HS3ST3A1: variants seen among roughly 807,000 people sequenced by gnomAD.
HS3ST3A1 encodes heparan sulfate glucosamine 3-O-sulfotransferase 3A1.
In HS3ST3A1, 19 loss-of-function variants were observed where a neutral mutation model predicts 25.7. The observed-to-expected ratio is 0.74, with a 90% CI of 0.52 to 1.08. HS3ST3A1 has a LOEUF of 1.08. Among genes scored for constraint, HS3ST3A1 ranks in the 50% least tolerant of loss-of-function variants. The pLI is 0.00. For synonymous variants in HS3ST3A1, 226 were observed against 278.6 expected (o/e 0.81, Z 1.88); for missense variants, 459 against 594.3 (o/e 0.77, Z 2.37).
chr17:13,544,902 C>T (rs886116892), intron 1 of HS3ST3A1, among the ~76,000 whole-genome samples: 3 of 152,152 alleles, frequency 2.0e-5, no homozygotes, highest in Non-Finnish European at 2.9e-5. Context: ...CGATGCTAAG[C>T]GGGGCGTTCA....
chr17:13,554,830 A>G (rs964071749), intron 1 of HS3ST3A1, among the ~76,000 whole-genome samples: 7 of 152,086 alleles, frequency 4.6e-5, no homozygotes, highest in African/African-American at 1.7e-4. Context: ...CTCCACCCCC[A>G]ACAAGTCTAG....
rs1029228377 is a variant in HS3ST3A1 at position 13,583,982 on chromosome 17, A to G, written c.599+16549T>C. 2.0e-5 allele frequency among the ~76,000 whole-genome samples: 3 copies of G among 152,186 alleles called. No homozygotes were observed. The East Asian group carries it at 5.8e-4, about 29-fold the overall frequency. ...TTTTTGAGGATTTCTCACCATTACC[A>G]TGATTTCCAGAGAAGAAAAAGGAAA... On this transcript the variant is annotated intron_variant, in intron 1 of 1. Coordinates refer to ENST00000284110, the MANE Select transcript of HS3ST3A1 (RefSeq NM_006042.3).
rs1045929975 is a variant in HS3ST3A1, at chr17:13,600,872, C to G, written c.258G>C (p.Gln86His). The change falls in exon 1 of 2, where the codon CAG (glutamine) becomes CAC (histidine). Residue 86 changes from glutamine to histidine, a missense_variant. Gln to His is a conservative substitution (Grantham distance 24). Around this residue, in one of 3 missense-constraint regions of HS3ST3A1, gnomAD observed 346 missense variants for 303.9 expected, o/e 1.14. Coordinates refer to ENST00000284110, the MANE Select transcript of HS3ST3A1 (RefSeq NM_006042.3). The part of the protein sequence containing the change: ...RELAVWPAAA[Q>H]RKRLLQLPQW... ...GCGGCAGTTGCAGGAGGCGCTTTCT[C>G]TGTGCCGCCGCCGGCCACACCGCCA... 6 of 1,461,084 alleles carry G rather than the reference C, an allele frequency of 4.1e-6. No individual in the cohort carries two copies. The highest frequency in any genetic ancestry group is 5.4e-6 in the Non-Finnish European group (6 of 1,115,308). 90.5% of individuals were successfully genotyped at this position (1,461,084 alleles called of 1,614,324 possible). A position where few individuals can be genotyped will look rare whatever the true frequency, so the allele number is the denominator to read the frequency against.
At chr17:13,557,225 A>C (rs1907407521) in intron 1 of HS3ST3A1, among the ~76,000 whole-genome samples, 2 of 152,200 alleles carry the variant, frequency 1.3e-5, no homozygotes, top group Admixed American at 1.3e-4. Context: ...ACAGTTGCTG[A>C]ATCACTTAAT....
At chr17:13,521,594 C>T (rs1403242505) in intron 1 of HS3ST3A1, among the ~76,000 whole-genome samples, 4 of 152,150 alleles carry the variant, frequency 2.6e-5, no homozygotes, top group Non-Finnish European at 5.9e-5. Flanking sequence ...CCTCAACGTG[C>T]CCTGCATGGC....
At chr17:13,512,766 AAT>A (rs1241543539) in intron 1 of HS3ST3A1, among the ~76,000 whole-genome samples, 3 of 152,150 alleles carry the variant, frequency 2.0e-5, no homozygotes, top group African/African-American at 7.2e-5. Context: ...GGGATAAAAA[AAT>A]AAATTGTACT....
At chr17:13,506,638 G>T (rs1905684203) in intron 1 of HS3ST3A1, among the ~76,000 whole-genome samples, 2 of 152,312 alleles carry the variant, frequency 1.3e-5, no homozygotes, top group South Asian at 2.1e-4. Flanking sequence ...CTAAGGCTTG[G>T]GGGCAGCAGA....
intron 1 of HS3ST3A1, among the ~76,000 whole-genome samples, chr17:13,507,473 G>A (rs553285659): frequency 3.3e-4 from 51 of 152,300 alleles, no homozygotes; most frequent in African/African-American, 1.2e-3. Flanking sequence ...TGACTCTTTT[G>A]GTTGATGTTC....
chr17:13,538,724 T>C (rs1449411681), intron 1 of HS3ST3A1, among the ~76,000 whole-genome samples: 1 of 151,932 alleles, frequency 6.6e-6, no homozygotes, highest in Admixed American at 6.6e-5. Context: ...GGTGTTTTGG[T>C]TTTGCTTTTC....
intron 1 of HS3ST3A1, among the ~76,000 whole-genome samples, chr17:13,503,588 TAAATA>T (rs1402214129): frequency 6.6e-6 from 1 of 151,994 alleles, no homozygotes; most frequent in Non-Finnish European, 1.5e-5. Flanking sequence ...AAATGAAAAA[TAAATA>T]AAGTAAGTAA....
Position 13,600,712 on chromosome 17 carries a change from T to A in HS3ST3A1, c.418A>T (p.Thr140Ser). 6.4e-7 allele frequency: 1 copy of A among 1,558,570 alleles called. No individual in the cohort carries two copies. The highest frequency in any genetic ancestry group is 8.6e-7 in the Non-Finnish European group (1 of 1,159,504). Reference sequence around the variant, plus strand: ...CCTTCGTCCAGGAGCAGCGCCAGGGTCCCCGGCGGGGCCTCGGCCACGGTG... The same window carrying A: ...CCTTCGTCCAGGAGCAGCGCCAGGGACCCCGGCGGGGCCTCGGCCACGGTG... ...GSTVAEAPPG[T>S]LALLLDEGSK... Residue 140 changes from threonine (T) to serine (S), a missense_variant, in exon 1 of 2, where the codon ACC becomes TCC. Thr to Ser is a moderately conservative substitution (Grantham distance 58). Around this residue, in one of 3 missense-constraint regions of HS3ST3A1, gnomAD observed 346 missense variants for 303.9 expected, o/e 1.14. Transcript: ENST00000284110.
intron 1 of HS3ST3A1, among the ~76,000 whole-genome samples, chr17:13,593,438 C>T (rs1018895763): frequency 7.2e-5 from 11 of 152,134 alleles, no homozygotes; most frequent in African/African-American, 2.7e-4. Context: ...GAATACAAAA[C>T]TGTCTCTGTG....
chr17:13,520,292 G>A (rs1268807653), intron 1 of HS3ST3A1, among the ~76,000 whole-genome samples: 1 of 152,166 alleles, frequency 6.6e-6, no homozygotes, highest in Non-Finnish European at 1.5e-5. Flanking sequence ...TGCTTAAGCA[G>A]TGATGCGAAA....
At chr17:13,600,490 C>T in intron 1 of HS3ST3A1, 41 bp downstream of exon 1, 1 of 1,537,296 alleles carries the variant, frequency 6.5e-7, no homozygotes, top group Non-Finnish European at 8.7e-7. Flanking sequence ...AGCCCAGGAC[C>T]CCCGGATCCT....
chr17:13,572,145 T>G (rs1907833037), intron 1 of HS3ST3A1, among the ~76,000 whole-genome samples: 1 of 152,198 alleles, frequency 6.6e-6, no homozygotes, highest in Admixed American at 6.5e-5. Flanking sequence ...ATTTTTTCTG[T>G]CTCTCTTCAT....
chr17:13,594,288 C>T (rs868469738), intron 1 of HS3ST3A1, among the ~76,000 whole-genome samples: 4 of 152,170 alleles, frequency 2.6e-5, no homozygotes, highest in African/African-American at 9.7e-5. Flanking sequence ...TTTCATCCTG[C>T]CTTCCTTTAA....
At chr17:13,510,930 A>G (rs1456138761) in intron 1 of HS3ST3A1, among the ~76,000 whole-genome samples, 1 of 152,232 alleles carries the variant, frequency 6.6e-6, no homozygotes, top group Non-Finnish European at 1.5e-5. Flanking sequence ...AACTTCCAAA[A>G]TAATCTCTTA....
intron 1 of HS3ST3A1, among the ~76,000 whole-genome samples, chr17:13,577,271 T>C (rs981453994): frequency 6.6e-6 from 1 of 152,176 alleles, no homozygotes; most frequent in African/African-American, 2.4e-5. Context: ...CTACTCAGCA[T>C]GCTATTAATT....
chr17:13,568,218 A>G (rs1188671100), intron 1 of HS3ST3A1, among the ~76,000 whole-genome samples: 1 of 152,242 alleles, frequency 6.6e-6, no homozygotes, highest in Non-Finnish European at 1.5e-5. Context: ...GCAATAAAGT[A>G]TTTTTAAACT....
Sources: gnomAD v4.1 joint callset for allele counts (sites outside exome capture counted in the v4.1 genomes callset) on GRCh38, gnomAD v4.1.1 for gene constraint, gnomAD v4.1.1 regional missense constraint, MANE v1.5 for transcripts, NCBI Gene and HGNC (gene_info 2026-07-23, HGNC 2026-07-21) for gene names.